Variants in GSR observed in about 807,000 individuals in gnomAD.
The protein encoded by GSR is glutathione reductase, mitochondrial.
A neutral mutation model predicts 56.5 loss-of-function variants in GSR; 48 were observed. The observed-to-expected ratio is 0.85, with a 90% CI of 0.67 to 1.08. The LOEUF is 1.08. GSR is among the 50% of genes least tolerant of loss of function. The pLI is 0.00. For missense variants in GSR, 694 were observed against 703.3 expected (o/e 0.99, Z 0.15); for synonymous variants, 264 against 270.8 (o/e 0.97, Z 0.25).
chr8:30,727,097 G>C (rs1033293785), intron 1 of GSR: 6 of 160,462 alleles, frequency 3.7e-5, no homozygotes, highest in African/African-American at 1.4e-4. Context: ...CCCTTGAAAC[G>C]GGAGAACCAG....
At chr8:30,701,582 G>A (rs1372706981) in intron 5 of GSR, among the ~76,000 whole-genome samples, 1 of 151,604 alleles carries the variant, frequency 6.6e-6, no homozygotes, top group East Asian at 2.0e-4. Flanking sequence ...CTGAGGTCAG[G>A]AGTTTGAGAC....
chr8:30,696,235 G>T, intron 7 of GSR, 145 bp downstream of exon 7: 1 of 708,212 alleles, frequency 1.4e-6, no homozygotes, highest in Non-Finnish European at 2.6e-6. Flanking sequence ...CCAAATTCAG[G>T]TAACTTGGAT....
chr8:30,692,439 G>A lies in GSR; in HGVS notation c.882+530C>T, dbSNP rs373498860. Reference sequence around the variant, plus strand: ...TCAAACTCCCAACCTCAGGTGATCCGCCTGCCTCGACCTCCCAAAGTGCTG... The same window carrying A: ...TCAAACTCCCAACCTCAGGTGATCCACCTGCCTCGACCTCCCAAAGTGCTG... On this transcript the variant is annotated intron_variant, in intron 8 of 12. Coordinates refer to ENST00000221130, the MANE Select transcript of GSR (RefSeq NM_000637.5). Among the ~76,000 whole-genome samples the A allele has an allele frequency of 2.0e-4, 29 of 144,002 alleles. No individual in the cohort carries two copies. The East Asian group carries it at 2.1e-3, about 10-fold the overall frequency. 94.5% of individuals were successfully genotyped at this position (144,002 alleles called of 152,430 possible).
chr8:30,682,213 C>T (rs564595739), intron 10 of GSR, 152 bp from the exon 11 acceptor site: 51 of 716,566 alleles, frequency 7.1e-5, no homozygotes, highest in Non-Finnish European at 1.0e-4. Flanking sequence ...TTTAATACAG[C>T]GAAGATATGT....
At chr8:30,700,746 A>G (rs1803708695) in intron 5 of GSR, among the ~76,000 whole-genome samples, 2 of 136,284 alleles carry the variant, frequency 1.5e-5, no homozygotes, top group African/African-American at 5.6e-5. Flanking sequence ...AAAAAAAAAA[A>G]AAAATCGACG....
In GSR at chr8:30,727,766, G is replaced by C. The variant is rs370567774; in HGVS notation, c.70C>G (p.Arg24Gly). The change falls in exon 1 of 13, where the codon CGA (arginine) becomes GGA (glycine). Residue 24 changes from arginine to glycine, a missense_variant. By Grantham distance (125) the Arg-to-Gly change is moderately radical. Transcript: ENST00000221130. ...TCGGGCAGAAGCAGCAGGAAGCCTCGGAAGGCGCGCGCCGCCCGCCGCCAG... is the reference window on the plus strand; with the variant it reads ...TCGGGCAGAAGCAGCAGGAAGCCTCCGAAGGCGCGCGCCGCCCGCCGCCAG... ...PSWRRAARAF[R>G]GFLLLLPEPA... 59 of 1,371,898 alleles carry C rather than the reference G, an allele frequency of 4.3e-5. No individual in the cohort carries two copies. Among genetic ancestry groups the C allele is most frequent in the Non-Finnish European group, 5.5e-5 (58 of 1,062,432 alleles). The allele number at this position is 1,371,898 out of a possible 1,614,324, so 85.0% of individuals were successfully genotyped here. A position where few individuals can be genotyped will look rare whatever the true frequency, so the allele number is the denominator to read the frequency against.
intron 1 of GSR, among the ~76,000 whole-genome samples, chr8:30,717,237 C>G (rs1804364715): frequency 1.1e-5 from 1 of 91,684 alleles, no homozygotes; most frequent in Non-Finnish European, 2.1e-5. Context: ...AACTCTATCT[C>G]AAAAGAAAAA....
At chr8:30,712,580 G>T (rs1003845261) in intron 1 of GSR, among the ~76,000 whole-genome samples, 7 of 152,112 alleles carry the variant, frequency 4.6e-5, no homozygotes, top group African/African-American at 1.7e-4. Flanking sequence ...AGGCTGAGGT[G>T]GGGGGACCCT....
chr8:30,686,808 G>T lies in GSR; in HGVS notation c.1041+2353C>A, dbSNP rs572684566. Among the ~76,000 whole-genome samples, 525 of 151,028 alleles carry T rather than the reference G, an allele frequency of 3.5e-3. 3 individuals carry two copies. The highest frequency in any genetic ancestry group is 4.6e-3 in the Non-Finnish European group (314 of 67,704). ...TGAAAAGCTGAATGACCAGTTTTTT[G>T]TTGTTGTTGTTTTCTTTTGGTGTTT... On this transcript the variant is annotated intron_variant, in intron 9 of 12. Transcript: ENST00000221130.
chr8:30,726,023 C>T (rs1804712849), intron 1 of GSR, among the ~76,000 whole-genome samples: 1 of 152,092 alleles, frequency 6.6e-6, no homozygotes, highest in African/African-American at 2.4e-5. Flanking sequence ...CAAGTACTCT[C>T]ATGAGGTGTG....
chr8:30,714,363 G>A (rs995358888), intron 1 of GSR, among the ~76,000 whole-genome samples: 2 of 151,808 alleles, frequency 1.3e-5, no homozygotes, highest in South Asian at 2.1e-4. Flanking sequence ...GGCGTTCACC[G>A]CCATGCCTGG....
intron 8 of GSR, among the ~76,000 whole-genome samples, chr8:30,691,144 C>T (rs1208949876): frequency 2.6e-5 from 4 of 151,948 alleles, no homozygotes; most frequent in Admixed American, 6.6e-5. Flanking sequence ...GTGGGCAGAT[C>T]GCTTGAGACC....
At chr8:30,699,925 T>C (rs1803670869) in intron 6 of GSR, among the ~76,000 whole-genome samples, 156 bp downstream of exon 6, 1 of 152,136 alleles carries the variant, frequency 6.6e-6, no homozygotes, top group South Asian at 2.1e-4. Context: ...TGAGGAGTTC[T>C]AGGAATGAGA....
At chr8:30,690,158 A>ATTTATTTATT (rs1563529889) in intron 8 of GSR, among the ~76,000 whole-genome samples, 1 of 138,754 alleles carries the variant, frequency 7.2e-6, no homozygotes, top group South Asian at 2.2e-4. Flanking sequence ...ATAAAATAAT[A>ATTTATTTATT]TATTTATTTA....
intron 5 of GSR, among the ~76,000 whole-genome samples, chr8:30,702,433 A>T (rs1424523277): frequency 6.6e-6 from 1 of 152,216 alleles, no homozygotes; most frequent in Non-Finnish European, 1.5e-5. Flanking sequence ...AAAGAGAAAA[A>T]TATGCATATA....
chr8:30,721,749 G>A (rs896933653), intron 1 of GSR, among the ~76,000 whole-genome samples: 3 of 151,994 alleles, frequency 2.0e-5, no homozygotes, highest in Admixed American at 2.0e-4. Flanking sequence ...GGACAGACAC[G>A]GTGGCTCATT....
At chr8:30,714,202 CTTTTTTT>C (rs33969608) in intron 1 of GSR, among the ~76,000 whole-genome samples, 12 of 63,986 alleles carry the variant, frequency 1.9e-4, no homozygotes, top group African/African-American at 2.5e-4. Context: ...GTTCTATATG[CTTTTTTT>C]TTTTTTTTTT....
chr8:30,708,985 C>T (rs976565131), intron 3 of GSR, among the ~76,000 whole-genome samples: 2 of 143,352 alleles, frequency 1.4e-5, no homozygotes, highest in African/African-American at 5.1e-5. Context: ...AAGGTAAAAA[C>T]AACCCAAAAA....
At chr8:30,701,363 G>A (rs1260239939) in intron 5 of GSR, among the ~76,000 whole-genome samples, 1 of 152,202 alleles carries the variant, frequency 6.6e-6, no homozygotes, top group Non-Finnish European at 1.5e-5. Flanking sequence ...CTACTCAGGA[G>A]GCTGGGGCAG....
Sources: allele counts gnomAD v4.1 joint callset (sites outside exome capture counted in the v4.1 genomes callset), GRCh38; gene constraint gnomAD v4.1.1; transcripts MANE v1.5; gene names NCBI Gene and HGNC (gene_info 2026-07-23, HGNC 2026-07-21).